Variants in SESN1 observed in about 807,000 individuals in gnomAD.
SESN1 encodes the protein sestrin-1.
A neutral mutation model predicts 59.3 loss-of-function variants in SESN1; 30 were observed. The observed-to-expected ratio is 0.51, with a 90% CI of 0.38 to 0.69. SESN1 has a LOEUF of 0.69. Ranked by LOEUF, SESN1 falls within the 30% of genes least tolerant of loss-of-function variation. SESN1 has a pLI of 0.00. For missense variants in SESN1, 566 were observed against 673.0 expected (o/e 0.84, Z 1.76); for synonymous variants, 197 against 219.9 (o/e 0.90, Z 0.92).
chr6:108,987,806 CTTTTTT>C (rs3029194), intron 9 of SESN1, among the ~76,000 whole-genome samples, 176 bp from the exon 10 acceptor site: 1 of 135,578 alleles, frequency 7.4e-6, no homozygotes, highest in Admixed American at 7.4e-5. Context: ...CAGCAGCTAT[CTTTTTT>C]TTTTTTTTTT....
intron 1 of SESN1, among the ~76,000 whole-genome samples, chr6:109,066,366 T>C (rs1266896735): frequency 6.6e-6 from 1 of 151,766 alleles, no homozygotes; most frequent in Non-Finnish European, 1.5e-5. Flanking sequence ...ACTGGAGCAG[T>C]AGGGGAAGAG....
At chr6:109,065,771 A>G (rs1396222380) in intron 1 of SESN1, among the ~76,000 whole-genome samples, 2 of 151,930 alleles carry the variant, frequency 1.3e-5, no homozygotes, top group Non-Finnish European at 2.9e-5. Flanking sequence ...TTAAAATACA[A>G]AAAAATTATT....
chr6:109,088,530 C>G (rs1781256984), intron 1 of SESN1, among the ~76,000 whole-genome samples: 1 of 152,104 alleles, frequency 6.6e-6, no homozygotes, highest in Admixed American at 6.6e-5. Flanking sequence ...CACCACCCCA[C>G]TTACCAAAGA....
chr6:108,998,584 A>T lies in SESN1; in HGVS notation c.901T>A (p.Cys301Ser), dbSNP rs1402890371. ...TFRPPSVSNY[C>S]ICDITNGNHS... is the part of the protein sequence containing the mutation. Reference sequence around the variant, plus strand: ...TTGCCATTTGTAATGTCACAGATGCAGTAGTTGCTAACAGAAGGAGGTCTG... The same window carrying T: ...TTGCCATTTGTAATGTCACAGATGCTGTAGTTGCTAACAGAAGGAGGTCTG... Residue 301 changes from cysteine (C) to serine (S), a missense_variant, in exon 5 of 10, where the codon TGC (cysteine) becomes AGC (serine). Transcript: ENST00000436639. The T allele has an allele frequency of 6.2e-7, 1 of 1,613,964 alleles. No individual in the cohort carries two copies.
chr6:109,062,733 C>T (rs1021186962), intron 1 of SESN1, among the ~76,000 whole-genome samples: 1 of 152,050 alleles, frequency 6.6e-6, no homozygotes, highest in East Asian at 1.9e-4. Flanking sequence ...GTACTGAACC[C>T]CCTATGTACT....
intron 1 of SESN1, among the ~76,000 whole-genome samples, chr6:109,032,987 C>T (rs1377875092): frequency 6.6e-6 from 1 of 152,130 alleles, no homozygotes; most frequent in Non-Finnish European, 1.5e-5. Flanking sequence ...ATCATAATTC[C>T]AGCCCTAAGG....
intron 1 of SESN1, among the ~76,000 whole-genome samples, chr6:109,032,007 A>C (rs1364485637): frequency 6.6e-6 from 1 of 152,304 alleles, no homozygotes; most frequent in African/African-American, 2.4e-5. Flanking sequence ...GGCATAAATA[A>C]AATTTCGTGT....
At chr6:108,989,084 C>G (rs903414816) in intron 8 of SESN1, among the ~76,000 whole-genome samples, 1 of 152,154 alleles carries the variant, frequency 6.6e-6, no homozygotes, top group Non-Finnish European at 1.5e-5. Flanking sequence ...CTTATTGCAA[C>G]CTCTGCTTCC....
Position 108,994,984 on chromosome 6 carries a change from G to A in SESN1, c.973-375C>T, listed in dbSNP as rs577113709. Among the ~76,000 whole-genome samples, 151 of 152,226 alleles carry A rather than the reference G, an allele frequency of 9.9e-4. 1 individual carries two copies. The highest frequency in any genetic ancestry group is 4.1e-3 in the South Asian group (20 of 4,826). Reference sequence around the variant, plus strand: ...CTTCCAAAGTGCTGGGATTACAGGCGTGAGCCACTGCACCTGGCCAGAATT... The same window carrying A: ...CTTCCAAAGTGCTGGGATTACAGGCATGAGCCACTGCACCTGGCCAGAATT... On this transcript the variant is annotated intron_variant, in intron 5 of 9. Coordinates refer to ENST00000436639, the MANE Select transcript of SESN1 (RefSeq NM_014454.3).
chr6:109,085,497 T>C (rs911379338), intron 1 of SESN1, among the ~76,000 whole-genome samples: 58 of 147,294 alleles, frequency 3.9e-4, no homozygotes, highest in South Asian at 4.3e-4. Context: ...CCAGCCTAGG[T>C]GACAGAGTGA....
At chr6:109,059,255 T>C (rs1298459493) in intron 1 of SESN1, among the ~76,000 whole-genome samples, 1 of 152,182 alleles carries the variant, frequency 6.6e-6, no homozygotes, top group East Asian at 1.9e-4. Context: ...AGTACATTCC[T>C]GGATTCTAAT....
chr6:108,998,861 G>T, intron 4 of SESN1, 106 bp from the exon 5 acceptor site: 1 of 1,310,980 alleles, frequency 7.6e-7, no homozygotes, highest in Non-Finnish European at 1.0e-6. Flanking sequence ...ATCATACAAA[G>T]CCTAGCATAA....
intron 1 of SESN1, among the ~76,000 whole-genome samples, chr6:109,072,256 A>G (rs991708245): frequency 2.0e-5 from 3 of 152,246 alleles, no homozygotes; most frequent in African/African-American, 7.2e-5. Flanking sequence ...TTAAGAATTA[A>G]TTATTTCAGC....
At chr6:109,026,785 G>A (rs941922032) in intron 1 of SESN1, among the ~76,000 whole-genome samples, 3 of 152,186 alleles carry the variant, frequency 2.0e-5, no homozygotes, top group East Asian at 1.9e-4. Flanking sequence ...TTGCAGGCGT[G>A]AGCCACTGCG....
chr6:109,003,065 G>A (rs758198871), intron 1 of SESN1, among the ~76,000 whole-genome samples: 5 of 152,024 alleles, frequency 3.3e-5, no homozygotes, highest in Non-Finnish European at 5.9e-5. Context: ...TGATGGTGTA[G>A]TATGGTTAAC....
intron 1 of SESN1, among the ~76,000 whole-genome samples, chr6:109,052,308 AT>A (rs1306189118): frequency 6.6e-6 from 1 of 152,150 alleles, no homozygotes; most frequent in African/African-American, 2.4e-5. Flanking sequence ...TTTAAAGATA[AT>A]TTTTGTTATT....
At chr6:108,991,923 A>G (rs1412926069) in intron 7 of SESN1, among the ~76,000 whole-genome samples, 2 of 151,862 alleles carry the variant, frequency 1.3e-5, no homozygotes, top group Non-Finnish European at 2.9e-5. Context: ...CTATCCCTCA[A>G]CCTAAGCTTA....
rs540308664 is a variant in SESN1 at position 109,048,268 on chromosome 6, G to A, written c.279+45527C>T. On this transcript the variant is annotated intron_variant, in intron 1 of 9. Transcript: ENST00000436639. ...CTCCAACTGACCCTGCTTGTATGTG[G>A]TGCAGGCAGTTTAACCACAGGTGAA... 3.9e-5 allele frequency among the ~76,000 whole-genome samples: 6 copies of A among 152,230 alleles called. No homozygotes were observed. In the South Asian group the frequency reaches 1.2e-3, roughly 32 times the overall value.
chr6:109,057,306 G>C (rs917692637), intron 1 of SESN1, among the ~76,000 whole-genome samples: 2 of 152,170 alleles, frequency 1.3e-5, no homozygotes, highest in African/African-American at 4.8e-5. Context: ...GAAATATAGT[G>C]ATTGATACGT....
Sources: gnomAD v4.1 joint callset for allele counts (sites outside exome capture counted in the v4.1 genomes callset) on GRCh38, gnomAD v4.1.1 for gene constraint, MANE v1.5 for transcripts, NCBI Gene and HGNC (gene_info 2026-07-23, HGNC 2026-07-21) for gene names.